LONP2: variants seen among roughly 807,000 people sequenced by gnomAD.
The protein encoded by LONP2 is lon protease homolog 2, peroxisomal.
LONP2 carries 60 observed loss-of-function variants against 85.6 expected under a neutral mutation model. The observed-to-expected ratio is 0.70, with a 90% CI of 0.57 to 0.87. LONP2 has a LOEUF of 0.87. Among genes scored for constraint, LONP2 ranks in the 40% least tolerant of loss-of-function variants. The pLI, the probability that LONP2 is intolerant of heterozygous loss-of-function variation, is 0.00. For synonymous variants in LONP2, 395 were observed against 389.7 expected (o/e 1.01, Z -0.16); for missense variants, 860 against 1,063.5 (o/e 0.81, Z 2.66).
intron 8 of LONP2, among the ~76,000 whole-genome samples, chr16:48,294,037 A>G (rs545629342): frequency 6.6e-6 from 1 of 152,322 alleles, no homozygotes; most frequent in East Asian, 1.9e-4. Context: ...CCAAAGTTCA[A>G]GCAATTCTCA....
intron 7 of LONP2, among the ~76,000 whole-genome samples, chr16:48,273,540 G>A (rs1972146985): frequency 6.6e-6 from 1 of 151,942 alleles, no homozygotes; most frequent in South Asian, 2.1e-4. Context: ...CAGTCTTTTC[G>A]ATATTTCTCA....
chr16:48,346,130 G>A (rs555369694), intron 12 of LONP2: 45 of 151,762 alleles, frequency 3.0e-4, no homozygotes, highest in African/African-American at 1.1e-3. Context: ...TTTACAATCA[G>A]GAATTTCATT....
intron 5 of LONP2, among the ~76,000 whole-genome samples, chr16:48,262,381 G>A (rs2150970195): frequency 6.6e-6 from 1 of 152,246 alleles, no homozygotes; most frequent in Admixed American, 6.5e-5. Flanking sequence ...AGCTTAAAAG[G>A]GACACACACT....
intron 8 of LONP2, among the ~76,000 whole-genome samples, chr16:48,285,939 CCT>C (rs1972430754): frequency 6.6e-6 from 1 of 151,968 alleles, no homozygotes; most frequent in Admixed American, 6.6e-5. Flanking sequence ...ACAGCAATTC[CCT>C]GTTTCTTTCT....
At chr16:48,310,053 T>C (rs1362456272) in intron 11 of LONP2, among the ~76,000 whole-genome samples, 2 of 151,742 alleles carry the variant, frequency 1.3e-5, no homozygotes, top group East Asian at 3.9e-4. Context: ...CATTATATAC[T>C]GGCCTTTAAA....
At chr16:48,314,021 T>C (rs879170195) in intron 11 of LONP2, among the ~76,000 whole-genome samples, 2 of 152,236 alleles carry the variant, frequency 1.3e-5, no homozygotes, top group East Asian at 3.8e-4. Flanking sequence ...AGATGGTATC[T>C]CATTGTAGTT....
At chr16:48,298,626 G>GGTGTGTGTGTGTGTGTGTGTGT (rs3138605) in intron 9 of LONP2, among the ~76,000 whole-genome samples, 1 of 134,322 alleles carries the variant, frequency 7.4e-6, no homozygotes, top group Non-Finnish European at 1.6e-5. Context: ...ATTTAATTGA[G>GGTGTGTGTGTGTGTGTGTGTGT]GTGTGTGTGT....
intron 12 of LONP2, among the ~76,000 whole-genome samples, chr16:48,338,648 C>T (rs1428174177): frequency 1.3e-5 from 2 of 152,172 alleles, no homozygotes; most frequent in Middle Eastern, 3.2e-3. Flanking sequence ...TGGCTCATGC[C>T]TGTAATCCCA....
chr16:48,324,602 A>G (rs552821769), intron 11 of LONP2, among the ~76,000 whole-genome samples: 3 of 152,354 alleles, frequency 2.0e-5, no homozygotes, highest in East Asian at 3.9e-4. Flanking sequence ...TGGCAGATTA[A>G]TAAGTATTTT....
intron 8 of LONP2, among the ~76,000 whole-genome samples, chr16:48,284,439 A>G (rs1567322830): frequency 1.3e-5 from 2 of 152,180 alleles, no homozygotes; most frequent in Non-Finnish European, 2.9e-5. Flanking sequence ...CTGTTGCCTT[A>G]TTTTAAGAAA....
At chr16:48,325,017 C>T (rs1291312152) in intron 11 of LONP2, among the ~76,000 whole-genome samples, 14 of 152,012 alleles carry the variant, frequency 9.2e-5, no homozygotes, top group Non-Finnish European at 1.6e-4. Flanking sequence ...AACAGTGGTC[C>T]CCAACCTTTT....
intron 8 of LONP2, among the ~76,000 whole-genome samples, chr16:48,279,709 C>A (rs1373124660): frequency 6.6e-6 from 1 of 152,062 alleles, no homozygotes; most frequent in South Asian, 2.1e-4. Flanking sequence ...TTCAGCCAGT[C>A]CTCCTTATTT....
rs34006218 is a variant in LONP2, at chr16:48,281,260, A to T, written c.1383+3781A>T. ...ATTCTTCTTTTTATTTATGTAGGAT[A>T]TGCCCGTTTCCTTGACCTACCATGT... On this transcript the variant is annotated intron_variant, in intron 8 of 14. Coordinates refer to ENST00000285737, the MANE Select transcript of LONP2 (RefSeq NM_031490.5). Among the ~76,000 whole-genome samples the T allele has an allele frequency of 2.0e-3, 300 of 152,322 alleles. 3 individuals are homozygous for T. In the East Asian group the frequency reaches 0.031, roughly 16 times the overall value.
Position 48,353,665 on chromosome 16 carries a change from C to T in LONP2, c.*1863C>T, listed in dbSNP as rs956936378. 6 of 152,156 alleles carry T rather than the reference C, an allele frequency of 3.9e-5. No homozygotes were observed. The highest frequency in any genetic ancestry group is 5.9e-5 in the Non-Finnish European group (4 of 68,040). 9.4% of individuals were successfully genotyped at this position (152,156 alleles called of 1,614,324 possible). On this transcript the variant is annotated 3_prime_UTR_variant, in exon 15 of 15. Transcript: ENST00000285737. Reference sequence around the variant, plus strand: ...TGTTTGAAAATATGCCATTGACTATCTTAACTACTGTAATTTTATCATTTC... The same window carrying T: ...TGTTTGAAAATATGCCATTGACTATTTTAACTACTGTAATTTTATCATTTC...
rs1313445538 is a variant in LONP2, at chr16:48,258,631, T to G, written c.614T>G (p.Val205Gly). 9.4e-6 allele frequency: 15 copies of G among 1,597,822 alleles called. No individual in the cohort carries two copies. Among genetic ancestry groups the G allele is most frequent in the Non-Finnish European group, 1.2e-5 (14 of 1,173,884 alleles). Residue 205 changes from valine to glycine, a missense_variant, in exon 4 of 15, where the codon GTG (valine) becomes GGG (glycine). By Grantham distance (109) the Val-to-Gly change is moderately radical (BLOSUM62 -3). This residue lies in a region of LONP2 where 743 missense variants were observed against 917.3 expected (regional missense o/e 0.81). Transcript: ENST00000285737. Reference sequence around the variant, plus strand: ...ACATTTCCTTAGATTTTAGATGCTGTGAGCCTAGAGGAGCGGTTCAAGATG... The same window carrying G: ...ACATTTCCTTAGATTTTAGATGCTGGGAGCCTAGAGGAGCGGTTCAAGATG... Reference protein sequence around the residue: ...NKEKLQILDAVSLEERFKMTI... With the variant: ...NKEKLQILDAGSLEERFKMTI...
At chr16:48,344,448 A>T (rs1959904876) in intron 12 of LONP2, 1 of 152,194 alleles carries the variant, frequency 6.6e-6, no homozygotes, top group Non-Finnish European at 1.5e-5. Context: ...CTTGTTATCA[A>T]GTCAGGATAG....
chr16:48,248,324 C>T (rs1294088815), intron 1 of LONP2, among the ~76,000 whole-genome samples: 3 of 148,432 alleles, frequency 2.0e-5, no homozygotes, highest in Admixed American at 6.8e-5. Flanking sequence ...CGGGGTTTTG[C>T]CATGTTGCGC....
intron 11 of LONP2, among the ~76,000 whole-genome samples, chr16:48,309,194 G>A (rs1321497064): frequency 6.6e-6 from 1 of 152,074 alleles, no homozygotes; most frequent in African/African-American, 2.4e-5. Context: ...TATAGTGCTG[G>A]GAGAAATGTA....
chr16:48,341,190 C>T (rs965630064), intron 12 of LONP2, among the ~76,000 whole-genome samples: 1 of 152,162 alleles, frequency 6.6e-6, no homozygotes, highest in African/African-American at 2.4e-5. Flanking sequence ...GTCTCAGCTA[C>T]TCGAGAGGCC....
Sources: gnomAD v4.1 joint callset for allele counts (sites outside exome capture counted in the v4.1 genomes callset) on GRCh38, gnomAD v4.1.1 for gene constraint, gnomAD v4.1.1 regional missense constraint, MANE v1.5 for transcripts, NCBI Gene and HGNC (gene_info 2026-07-23, HGNC 2026-07-21) for gene names.